CTTNBP2NL: variants seen among roughly 807,000 people sequenced by gnomAD.
CTTNBP2NL encodes the protein CTTNBP2 N-terminal like.
A neutral mutation model predicts 32.5 loss-of-function variants in CTTNBP2NL; 16 were observed. The observed-to-expected ratio is 0.49, with a 90% CI of 0.33 to 0.75. The LOEUF is 0.75. CTTNBP2NL is among the 30% of genes least tolerant of loss of function. The probability of loss-of-function intolerance (pLI) is 0.02; values close to 1 mark genes in which losing one functional copy is unlikely to be tolerated. For missense variants in CTTNBP2NL, 645 were observed against 756.0 expected (o/e 0.85, Z 1.72); for synonymous variants, 298 against 289.4 (o/e 1.03, Z -0.30).
At chr1:112,427,633 T>C (rs965148679) in intron 3 of CTTNBP2NL, among the ~76,000 whole-genome samples, 4 of 152,146 alleles carry the variant, frequency 2.6e-5, no homozygotes, top group Non-Finnish European at 5.9e-5. Flanking sequence ...TGGTGGCTCA[T>C]GCCTATAATC....
intron 3 of CTTNBP2NL, among the ~76,000 whole-genome samples, chr1:112,444,511 T>C (rs112622168): frequency 0.014 from 2,058 of 152,312 alleles, 42 homozygotes; most frequent in African/African-American, 0.047. Flanking sequence ...CTCTGGCTGC[T>C]GTGATAATAC....
At chr1:112,393,225 C>T (rs1648226051), upstream of CTTNBP2NL, among the ~76,000 whole-genome samples, 1 of 152,130 alleles carries the variant, frequency 6.6e-6, no homozygotes, top group Non-Finnish European at 1.5e-5. Flanking sequence ...TTTTAAGCTG[C>T]CCAGATAGAA....
intron 3 of CTTNBP2NL, among the ~76,000 whole-genome samples, chr1:112,434,026 G>T (rs888044471): frequency 2.0e-5 from 3 of 151,912 alleles, no homozygotes; most frequent in African/African-American, 7.3e-5. Context: ...CCTCCTGTGT[G>T]ACTTCGTGTC....
In CTTNBP2NL at chr1:112,433,850, A is replaced by G. The variant is rs114805305; in HGVS notation, c.100-15092A>G. 2.3e-3 allele frequency among the ~76,000 whole-genome samples: 343 copies of G among 150,570 alleles called. 2 individuals carry two copies. The highest frequency in any genetic ancestry group is 7.8e-3 in the African/African-American group (322 of 41,086). On this transcript the variant is annotated intron_variant, in intron 3 of 5. Transcript: ENST00000271277. ...TGACTGCACATGATCTGTTGCTTCT[A>G]TCTGCTGTGTCATACTCCATAATAT...
intron 3 of CTTNBP2NL, among the ~76,000 whole-genome samples, chr1:112,420,518 G>C (rs1044357611): frequency 7.9e-5 from 12 of 152,118 alleles, no homozygotes; most frequent in African/African-American, 2.7e-4. Context: ...CTAGGCTAGA[G>C]TGCAGTGGCT....
intron 3 of CTTNBP2NL, among the ~76,000 whole-genome samples, chr1:112,429,177 A>G (rs753511981): frequency 2.0e-5 from 3 of 152,180 alleles, no homozygotes; most frequent in Non-Finnish European, 4.4e-5. Flanking sequence ...ATCTCTTGTA[A>G]TTTAACATAT....
chr1:112,444,141 T>C (rs1232531852), intron 3 of CTTNBP2NL, among the ~76,000 whole-genome samples: 5 of 152,374 alleles, frequency 3.3e-5, no homozygotes, highest in South Asian at 2.1e-4. Context: ...AATCCAGTTA[T>C]GGTACCAGCC....
At chr1:112,391,101 A>C in the CTTNBP2NL span, among the ~76,000 whole-genome samples, 2 of 152,250 alleles carry the variant, frequency 1.3e-5, no homozygotes, top group Non-Finnish European at 2.9e-5. Flanking sequence ...CCAAGCAAGA[A>C]GAGAACGTTT....
At chr1:112,397,519 T>C (rs1462036954) in intron 1 of CTTNBP2NL, among the ~76,000 whole-genome samples, 7 of 152,204 alleles carry the variant, frequency 4.6e-5, no homozygotes, top group African/African-American at 1.7e-4. Context: ...GAACAATTTT[T>C]AAATCTCAGA....
Position 112,457,703 on chromosome 1 carries a change from T to C in CTTNBP2NL, c.*291T>C. ...AGCGAATCACCAGGTGGTGATTTGC[T>C]ATCTATTTGAGAACTAGAATCACTC... is the stretch of plus-strand genomic sequence containing the variant. On this transcript the variant is annotated 3_prime_UTR_variant, in exon 6 of 6. Coordinates refer to ENST00000271277, the MANE Select transcript of CTTNBP2NL (RefSeq NM_018704.3). 1 of 289,566 alleles carries C rather than the reference T, an allele frequency of 3.5e-6. No individual in the cohort carries two copies. The highest frequency in any genetic ancestry group is 6.4e-6 in the Non-Finnish European group (1 of 155,382). The allele number at this position is 289,566 out of a possible 1,614,324, so 17.9% of individuals were successfully genotyped here. A position where few individuals can be genotyped will look rare whatever the true frequency, so the allele number is the denominator to read the frequency against.
At chr1:112,433,198 G>A (rs1649620309) in intron 3 of CTTNBP2NL, among the ~76,000 whole-genome samples, 1 of 152,060 alleles carries the variant, frequency 6.6e-6, no homozygotes, top group Non-Finnish European at 1.5e-5. Flanking sequence ...TTGCCCTATA[G>A]CCTTTTAGGA....
In CTTNBP2NL at chr1:112,456,742, G is replaced by A. The variant is rs865775019; in HGVS notation, c.1250G>A (p.Ser417Asn). ...SSSGSSLSPS[S>N]TASSSLTSSP... ...AGTGGGAGCTCACTGTCTCCCAGCA[G>A]CACTGCCTCCTCCTCTCTAACATCC... Residue 417 changes from serine to asparagine, a missense_variant, in exon 6 of 6, where the codon AGC (serine) becomes AAC (asparagine). By Grantham distance (46) the Ser-to-Asn change is conservative. Coordinates refer to ENST00000271277, the MANE Select transcript of CTTNBP2NL (RefSeq NM_018704.3). The A allele has an allele frequency of 6.2e-7, 1 of 1,614,068 alleles. No individual in the cohort carries two copies. The highest frequency in any genetic ancestry group is 1.3e-5 in the African/African-American group (1 of 75,004).
In CTTNBP2NL at chr1:112,457,323, A is replaced by G. The variant is rs1235688527; in HGVS notation, c.1831A>G (p.Thr611Ala). ...TCATTCCCAGGCAGCCTCTTTGACC[A>G]CTGCAGAAGACCTTGCCAGCAGCTG... ...KTHSQAASLT[T>A]AEDLASSCSS... Residue 611 changes from threonine to alanine, a missense_variant, in exon 6 of 6, where the codon ACT becomes GCT. By Grantham distance (58) the Thr-to-Ala change is moderately conservative. Transcript: ENST00000271277. 1.2e-6 allele frequency: 2 copies of G among 1,614,168 alleles called. No individual in the cohort carries two copies. The highest frequency in any genetic ancestry group is 2.2e-5 in the South Asian group (2 of 91,082).
intron 1 of CTTNBP2NL, among the ~76,000 whole-genome samples, chr1:112,404,405 C>A (rs1648597564): frequency 1.3e-5 from 2 of 152,174 alleles, no homozygotes; most frequent in African/African-American, 4.8e-5. Flanking sequence ...ATCGCTAAAA[C>A]ACAGATTCCT....
intron 3 of CTTNBP2NL, among the ~76,000 whole-genome samples, chr1:112,437,500 G>C (rs1258755006): frequency 2.6e-5 from 4 of 151,934 alleles, no homozygotes; most frequent in African/African-American, 9.7e-5. Context: ...TTCTTGTAAA[G>C]TTGTTTGAGT....
At chr1:112,402,025 A>G (rs999606888) in intron 1 of CTTNBP2NL, among the ~76,000 whole-genome samples, 1 of 152,202 alleles carries the variant, frequency 6.6e-6, no homozygotes, top group Admixed American at 6.5e-5. Flanking sequence ...AAGACTCCTG[A>G]CCGTGAGCTT....
At chr1:112,408,220 A>ATTTTTTTTTTTTTTTTTTTTT (rs397981257) in intron 1 of CTTNBP2NL, among the ~76,000 whole-genome samples, 14 of 103,742 alleles carry the variant, frequency 1.3e-4, no homozygotes, top group South Asian at 5.7e-4. Flanking sequence ...TTTTTTTTTA[A>ATTTTTTTTTTTTTTTTTTTTT]TTTTTTTTTT....
At chr1:112,392,848 A>AT (rs35469510), upstream of CTTNBP2NL, among the ~76,000 whole-genome samples, 10 of 151,226 alleles carry the variant, frequency 6.6e-5, no homozygotes, top group South Asian at 2.1e-4. Context: ...CAACACCCTG[A>AT]TTTTTTTTTG....
At chr1:112,391,921 G>A (rs1648192112), upstream of CTTNBP2NL, among the ~76,000 whole-genome samples, 1 of 152,084 alleles carries the variant, frequency 6.6e-6, no homozygotes, top group African/African-American at 2.4e-5. Flanking sequence ...AGCCTGGGAG[G>A]CAGAGGTTGC....
Sources: gnomAD v4.1 joint callset for allele counts (sites outside exome capture counted in the v4.1 genomes callset) on GRCh38, gnomAD v4.1.1 for gene constraint, MANE v1.5 for transcripts, NCBI Gene and HGNC (gene_info 2026-07-23, HGNC 2026-07-21) for gene names.